The following EVI5 variants were observed in gnomAD, a reference collection of about 807,000 sequenced individuals.
The protein encoded by EVI5 is ecotropic viral integration site 5.
A neutral mutation model predicts 112.0 loss-of-function variants in EVI5; 73 were observed. The ratio of observed to expected loss-of-function variants is 0.65; its 90% confidence interval spans 0.54 to 0.79. The LOEUF is 0.79. Among genes scored for constraint, EVI5 ranks in the 30% least tolerant of loss-of-function variants. The probability of loss-of-function intolerance (pLI) is 0.00; values close to 1 mark genes in which losing one functional copy is unlikely to be tolerated. For synonymous variants in EVI5, 305 were observed against 319.9 expected (o/e 0.95, Z 0.50); for missense variants, 900 against 968.8 (o/e 0.93, Z 0.94).
Position 92,725,680 on chromosome 1 carries a change from G to A in EVI5, c.149+10718C>T, listed in dbSNP as rs116679381. Among the ~76,000 whole-genome samples, 765 of 151,230 alleles carry A rather than the reference G, an allele frequency of 5.1e-3. 12 individuals are homozygous for A. The highest frequency in any genetic ancestry group is 0.017 in the Middle Eastern group (5 of 290). The stretch of plus-strand genomic sequence containing the variant: ...CAAAGCTGCAGTGAGCCGTGGTCAC[G>A]CCACTGTACTCAAGCCTGGGTGACA... On this transcript the variant is annotated intron_variant, in intron 2 of 19. Coordinates refer to ENST00000684568, the MANE Select transcript of EVI5 (RefSeq NM_001350197.2).
intron 1 of EVI5, among the ~76,000 whole-genome samples, chr1:92,748,853 G>A (rs1224276482): frequency 1.3e-5 from 2 of 152,010 alleles, no homozygotes; most frequent in Non-Finnish European, 2.9e-5. Flanking sequence ...GATCACCTGA[G>A]GTCGGGAGTT....
At chr1:92,780,100 C>T (rs573209758) in intron 1 of EVI5, among the ~76,000 whole-genome samples, 166 of 152,294 alleles carry the variant, frequency 1.1e-3, no homozygotes, top group African/African-American at 3.6e-3. Context: ...ATTTCCCCCA[C>T]CCTGTTATTG....
rs556036590 is a variant in EVI5, at chr1:92,644,904, GA to G, written c.1393-8569del. ...GTATGATTTCAATTACTTCAAATTT[GA>G]TAAAGTTCCTTTTAAGGCCCAGAAT... On this transcript the variant is annotated intron_variant, in intron 13 of 19. Transcript: ENST00000684568. Among the ~76,000 whole-genome samples, 500 of 152,210 alleles carry G rather than the reference GA, an allele frequency of 3.3e-3. 5 individuals are homozygous for G. The highest frequency in any genetic ancestry group is 0.01 in the African/African-American group (419 of 41,556).
At chr1:92,678,098 G>A (rs1667031264) in intron 9 of EVI5, among the ~76,000 whole-genome samples, 2 of 152,046 alleles carry the variant, frequency 1.3e-5, no homozygotes, top group African/African-American at 4.8e-5. Flanking sequence ...CTAACCGTTG[G>A]GTACTATGCT....
chr1:92,587,515 A>G (rs555586519), intron 18 of EVI5, among the ~76,000 whole-genome samples: 2 of 152,174 alleles, frequency 1.3e-5, no homozygotes, highest in Non-Finnish European at 2.9e-5. Context: ...ATTAAAAAAT[A>G]TAATATTTTT....
chr1:92,759,845 A>G (rs148789860), intron 1 of EVI5, among the ~76,000 whole-genome samples: 1 of 144,358 alleles, frequency 6.9e-6, no homozygotes, highest in African/African-American at 2.8e-5. Flanking sequence ...ATATTCATAC[A>G]TATACAAATA....
intron 10 of EVI5, among the ~76,000 whole-genome samples, chr1:92,672,685 T>A (rs900048662): frequency 6.6e-5 from 10 of 152,226 alleles, no homozygotes; most frequent in African/African-American, 2.4e-4. Flanking sequence ...TTCAAGTGCC[T>A]AGAACAGTGC....
At chr1:92,737,351 A>C (rs759525633) in intron 1 of EVI5, among the ~76,000 whole-genome samples, 1 of 152,224 alleles carries the variant, frequency 6.6e-6, no homozygotes, top group Non-Finnish European at 1.5e-5. Context: ...AGCTACGTTA[A>C]TGTGGCAATT....
rs148276900 is a variant in EVI5 at position 92,629,355 on chromosome 1, A to G, written c.1528-3421T>C. Among the ~76,000 whole-genome samples the G allele has an allele frequency of 6.0e-4, 91 of 152,152 alleles. No individual in the cohort carries two copies. In the East Asian group the frequency reaches 0.017, roughly 28 times the overall value. ...TATCTATCAGGTTTTTGGATTCAGT[A>G]GGTAGCTATTACCTAAGAGTAAAAA... On this transcript the variant is annotated intron_variant, in intron 14 of 19. Transcript: ENST00000684568.
intron 9 of EVI5, among the ~76,000 whole-genome samples, chr1:92,687,361 C>G (rs973465482): frequency 2.0e-5 from 3 of 151,928 alleles, no homozygotes; most frequent in Non-Finnish European, 4.4e-5. Flanking sequence ...AACTGGATCC[C>G]TTCCTCACAC....
upstream of EVI5, chr1:92,785,192 C>T (rs531080941): frequency 2.5e-6 from 2 of 809,062 alleles, no homozygotes; most frequent in South Asian, 5.6e-5. Context: ...GCCGGGCGGG[C>T]CGGCCGAGAA....
At chr1:92,715,441 TC>T (rs1673474739) in intron 2 of EVI5, among the ~76,000 whole-genome samples, 1 of 152,206 alleles carries the variant, frequency 6.6e-6, no homozygotes, top group African/African-American at 2.4e-5. Flanking sequence ...CAAGTTCTTG[TC>T]AAAATCTCTT....
intron 9 of EVI5, among the ~76,000 whole-genome samples, chr1:92,685,661 T>C (rs1668391723): frequency 6.6e-6 from 1 of 151,352 alleles, no homozygotes; most frequent in Non-Finnish European, 1.5e-5. Flanking sequence ...GCAACACTAA[T>C]AAAGAAGGAA....
At chr1:92,719,883 C>T (rs2102686330) in intron 2 of EVI5, among the ~76,000 whole-genome samples, 1 of 152,016 alleles carries the variant, frequency 6.6e-6, no homozygotes, top group Middle Eastern at 3.4e-3. Context: ...TTCTTATAAA[C>T]CAATAACAGA....
intron 9 of EVI5, among the ~76,000 whole-genome samples, chr1:92,684,168 C>T (rs572953004): frequency 5.9e-4 from 90 of 152,128 alleles, no homozygotes; most frequent in Admixed American, 1.4e-3. Context: ...TCGGGTTACC[C>T]ACAAAGGGAA....
intron 19 of EVI5, among the ~76,000 whole-genome samples, chr1:92,538,501 A>G (rs1190900553): frequency 2.6e-5 from 4 of 152,214 alleles, no homozygotes; most frequent in African/African-American, 7.2e-5. Context: ...CTCTAAAGCT[A>G]TATCATGTGT....
chr1:92,636,880 T>G (rs1658951856), intron 13 of EVI5, among the ~76,000 whole-genome samples: 1 of 150,412 alleles, frequency 6.6e-6, no homozygotes, highest in African/African-American at 2.5e-5. Flanking sequence ...AATTTTACCT[T>G]TTTTTGCTCC....
At chr1:92,624,150 A>G (rs201759196) in intron 16 of EVI5, 26 bp downstream of exon 16, 15 of 1,589,702 alleles carry the variant, frequency 9.4e-6, no homozygotes, top group Non-Finnish European at 1.3e-5. Flanking sequence ...GATACTTTTT[A>G]AAGATACTGG....
chr1:92,721,585 G>T (rs1674763066), intron 2 of EVI5, among the ~76,000 whole-genome samples: 1 of 152,142 alleles, frequency 6.6e-6, no homozygotes, highest in African/African-American at 2.4e-5. Context: ...TAAACGATGA[G>T]TTAATGGGTG....
Sources: allele counts gnomAD v4.1 joint callset (sites outside exome capture counted in the v4.1 genomes callset), GRCh38; gene constraint gnomAD v4.1.1; transcripts MANE v1.5; gene names NCBI Gene and HGNC (gene_info 2026-07-23, HGNC 2026-07-21).